Variants in GABRG3 observed in about 807,000 individuals in gnomAD.
GABRG3 encodes the protein gamma-aminobutyric acid type A receptor subunit gamma3.
A neutral mutation model predicts 48.8 loss-of-function variants in GABRG3; 25 were observed. The observed-to-expected ratio is 0.51, with a 90% CI of 0.37 to 0.72. GABRG3 has a LOEUF of 0.72. GABRG3 is among the 30% of genes least tolerant of loss of function. The pLI is 0.00. For missense variants in GABRG3, 394 were observed against 577.9 expected (o/e 0.68, Z 3.26); for synonymous variants, 227 against 217.6 (o/e 1.04, Z -0.38).
At chr15:27,061,126 C>T (rs1768076032) in intron 3 of GABRG3, among the ~76,000 whole-genome samples, 1 of 152,254 alleles carries the variant, frequency 6.6e-6, no homozygotes, top group Non-Finnish European at 1.5e-5. Flanking sequence ...ATATTTTCTT[C>T]TCCCAATAAG....
At chr15:27,022,653 C>T (rs1237239438) in intron 2 of GABRG3, among the ~76,000 whole-genome samples, 1 of 152,196 alleles carries the variant, frequency 6.6e-6, no homozygotes, top group Admixed American at 6.5e-5. Flanking sequence ...AAAGCATCTG[C>T]TCACCCCTAG....
chr15:27,124,727 G>C (rs554364384), intron 3 of GABRG3, among the ~76,000 whole-genome samples: 66 of 152,310 alleles, frequency 4.3e-4, no homozygotes, highest in African/African-American at 1.6e-3. Flanking sequence ...CAACAGCTGT[G>C]GGTGCTTGAG....
At chr15:27,298,817 C>T (rs1892092427) in intron 3 of GABRG3, among the ~76,000 whole-genome samples, 1 of 151,974 alleles carries the variant, frequency 6.6e-6, no homozygotes, top group African/African-American at 2.4e-5. Context: ...GGTATTTCTC[C>T]TAATGCTATC....
intron 6 of GABRG3, among the ~76,000 whole-genome samples, chr15:27,500,031 C>T (rs1258520837): frequency 6.6e-6 from 1 of 152,148 alleles, no homozygotes; most frequent in Non-Finnish European, 1.5e-5. Context: ...ACACACAGAG[C>T]AAGGAGGCAT....
chr15:27,527,624 A>G lies in GABRG3; in HGVS notation c.1057A>G (p.Thr353Ala), dbSNP rs1397878555. 1.2e-6 allele frequency: 2 copies of G among 1,605,526 alleles called. No individual in the cohort carries two copies. Among genetic ancestry groups the G allele is most frequent in the East Asian group, 2.2e-5 (1 of 44,610 alleles). Residue 353 changes from threonine (T) to alanine (A), a missense_variant, in exon 8 of 10, where the codon ACA becomes GCA. Thr to Ala is a moderately conservative substitution (Grantham distance 58). Coordinates refer to ENST00000615808, the MANE Select transcript of GABRG3 (RefSeq NM_033223.5). Reference sequence around the variant, plus strand: ...AAAACCAACCACCACGAAGAAGACAACATCGGTGAGCTGCAGTAGCAAAGG... The same window carrying G: ...AAAACCAACCACCACGAAGAAGACAGCATCGGTGAGCTGCAGTAGCAAAGG... ...CRKPTTTKKT[T>A]SLLHPDSSRW... is the part of the protein sequence containing the mutation.
At chr15:27,029,902 T>G (rs969899589) in intron 3 of GABRG3, among the ~76,000 whole-genome samples, 2 of 152,184 alleles carry the variant, frequency 1.3e-5, no homozygotes, top group Non-Finnish European at 2.9e-5. Flanking sequence ...GCCAGAATGA[T>G]AAGGGCATCT....
chr15:27,461,598 C>T (rs1245127173), intron 5 of GABRG3, among the ~76,000 whole-genome samples: 1 of 152,166 alleles, frequency 6.6e-6, no homozygotes, highest in East Asian at 1.9e-4. Flanking sequence ...GCTTTTATTC[C>T]CTTATTTGGC....
rs1019037161 is a variant in GABRG3 at position 27,374,370 on chromosome 15, ATCC to A, written c.574+45487_574+45489del. On this transcript the variant is annotated intron_variant, in intron 5 of 9. Coordinates refer to ENST00000615808, the MANE Select transcript of GABRG3 (RefSeq NM_033223.5). ...AGTCTCGAACTCCTGGACTCAAGCAATCCTCCTGCCTCAGCCTTCTAAAGTGCT... is the reference window on the plus strand; with the variant it reads ...AGTCTCGAACTCCTGGACTCAAGCAATCCTGCCTCAGCCTTCTAAAGTGCT... 5.3e-5 allele frequency among the ~76,000 whole-genome samples: 8 copies of A among 152,010 alleles called. No homozygotes were observed. The East Asian group carries it at 9.7e-4, about 18-fold the overall frequency.
intron 3 of GABRG3, among the ~76,000 whole-genome samples, chr15:27,037,288 A>G (rs1896195929): frequency 6.6e-6 from 1 of 152,240 alleles, no homozygotes; most frequent in Admixed American, 6.5e-5. Context: ...GGCCTAGCCT[A>G]CATTTCGCAG....
At chr15:27,132,478 T>G (rs1046003483) in intron 3 of GABRG3, among the ~76,000 whole-genome samples, 11 of 145,470 alleles carry the variant, frequency 7.6e-5, no homozygotes, top group East Asian at 2.0e-4. Flanking sequence ...ACAGTTTTTT[T>G]TTTTTTTTTT....
At chr15:27,169,321 G>A (rs930398720) in intron 3 of GABRG3, among the ~76,000 whole-genome samples, 2 of 152,174 alleles carry the variant, frequency 1.3e-5, no homozygotes, top group African/African-American at 4.8e-5. Context: ...CTTGGGAGTG[G>A]AAGAGCACTT....
Position 26,977,144 on chromosome 15 carries a change from A to T in GABRG3, c.196A>T (p.Ile66Phe). ...REYDKKLRPD[I>F]GIKPTVIDVD... is the part of the protein sequence containing the mutation. ...ATATGATAAAAAGCTGAGGCCAGAT[A>T]TTGGAAGTGAGTGTTGTTTTTTGTT... The change falls in exon 2 of 10, where the codon ATT (isoleucine) becomes TTT (phenylalanine). Residue 66 changes from isoleucine to phenylalanine, a missense_variant. Transcript: ENST00000615808. The T allele has an allele frequency of 6.2e-7, 1 of 1,611,108 alleles. No individual in the cohort carries two copies. The highest frequency in any genetic ancestry group is 8.5e-7 in the Non-Finnish European group (1 of 1,178,386).
chr15:27,046,017 C>T (rs974198340), intron 3 of GABRG3, among the ~76,000 whole-genome samples: 3 of 152,086 alleles, frequency 2.0e-5, no homozygotes, highest in African/African-American at 4.8e-5. Flanking sequence ...CTCCGAGTTC[C>T]GAGGGAAGCG....
chr15:27,130,973 G>A (rs372468245), intron 3 of GABRG3, among the ~76,000 whole-genome samples: 56 of 151,918 alleles, frequency 3.7e-4, no homozygotes, highest in African/African-American at 1.3e-3. Flanking sequence ...ATAAAATCAC[G>A]TCTGTGAAAA....
chr15:27,257,045 T>C (rs1890641891), intron 3 of GABRG3, among the ~76,000 whole-genome samples: 1 of 152,212 alleles, frequency 6.6e-6, no homozygotes, highest in Non-Finnish European at 1.5e-5. Flanking sequence ...AACAATGCAC[T>C]AGGGTTCCCT....
rs553883874 is a variant in GABRG3 at position 27,308,447 on chromosome 15, A to T, written c.271-18362A>T. Among the ~76,000 whole-genome samples, 19 of 142,552 alleles carry T rather than the reference A, an allele frequency of 1.3e-4. 1 individual carries two copies. The highest frequency in any genetic ancestry group is 5.0e-4 in the African/African-American group (18 of 36,164). 93.5% of individuals were successfully genotyped at this position (142,552 alleles called of 152,430 possible). Reference sequence around the variant, plus strand: ...TGTAAACATACCTGTTTATATAAACATATGCAAACATACATGTTTATATAT... The same window carrying T: ...TGTAAACATACCTGTTTATATAAACTTATGCAAACATACATGTTTATATAT... On this transcript the variant is annotated intron_variant, in intron 3 of 9. Transcript: ENST00000615808.
intron 5 of GABRG3, among the ~76,000 whole-genome samples, chr15:27,415,086 C>A (rs534478468): frequency 1.4e-4 from 21 of 152,288 alleles, no homozygotes; most frequent in African/African-American, 5.1e-4. Flanking sequence ...TTATCAAAAT[C>A]AGTATTAAAA....
intron 3 of GABRG3, among the ~76,000 whole-genome samples, chr15:27,176,855 A>G (rs966509088): frequency 3.3e-5 from 5 of 152,124 alleles, no homozygotes; most frequent in African/African-American, 4.8e-5. Flanking sequence ...TGCGTTTACT[A>G]TTATGTGCTG....
intron 5 of GABRG3, among the ~76,000 whole-genome samples, chr15:27,476,017 G>A (rs1889930941): frequency 6.6e-6 from 1 of 152,084 alleles, no homozygotes; most frequent in Non-Finnish European, 1.5e-5. Flanking sequence ...ATGAACCAAG[G>A]TGAACCAAAG....
Sources: allele counts gnomAD v4.1 joint callset (sites outside exome capture counted in the v4.1 genomes callset), GRCh38; gene constraint gnomAD v4.1.1; transcripts MANE v1.5; gene names NCBI Gene and HGNC (gene_info 2026-07-23, HGNC 2026-07-21).